The following LARGE1 variants were observed in gnomAD, a reference collection of about 807,000 sequenced individuals.
LARGE1 encodes the protein LARGE xylosyl- and glucuronyltransferase 1, also known as xylosyl- and glucuronyltransferase LARGE1.
In LARGE1, 43 loss-of-function variants were observed where a neutral mutation model predicts 87.6. That is an observed-to-expected ratio of 0.49 (90% CI 0.38 to 0.63). The LOEUF is 0.63. Ranked by LOEUF, LARGE1 falls within the 30% of genes least tolerant of loss-of-function variation. The pLI, the probability that LARGE1 is intolerant of heterozygous loss-of-function variation, is 0.00. For missense variants in LARGE1, 802 were observed against 1,000.2 expected (o/e 0.80, Z 2.67); for synonymous variants, 434 against 394.6 (o/e 1.10, Z -1.18).
intron 7 of LARGE1, among the ~76,000 whole-genome samples, chr22:33,423,420 T>C (rs1396825889): frequency 1.3e-5 from 2 of 152,070 alleles, no homozygotes; most frequent in African/African-American, 4.8e-5. Context: ...CTCACGCCTG[T>C]AATCCCAGCA....
Position 33,163,236 on chromosome 22 carries a change from A to G in LARGE1, c.*3527T>C, listed in dbSNP as rs1207910281. On this transcript the variant is annotated 3_prime_UTR_variant, in exon 12 of 12. Transcript: ENST00000608642. Reference sequence around the variant, plus strand: ...TGGAAAAGTGTGCTCAGAAGAACTAAGTAAATTGTTCAAGCTCTGATTCTT... The same window carrying G: ...TGGAAAAGTGTGCTCAGAAGAACTAGGTAAATTGTTCAAGCTCTGATTCTT... 3 of 152,232 alleles carry G rather than the reference A, an allele frequency of 2.0e-5. No individual in the cohort carries two copies. The East Asian group carries it at 5.8e-4, about 29-fold the overall frequency. The allele number at this position is 152,232 out of a possible 1,614,324, so 9.4% of individuals were successfully genotyped here.
At chr22:33,255,555 A>C (rs988748106) in intron 11 of LARGE1, among the ~76,000 whole-genome samples, 3 of 152,194 alleles carry the variant, frequency 2.0e-5, no homozygotes, top group African/African-American at 7.2e-5. Context: ...TAATAAAAGA[A>C]AGCCATTCAA....
chr22:33,350,136 A>T (rs188971630), intron 9 of LARGE1, among the ~76,000 whole-genome samples: 21 of 152,326 alleles, frequency 1.4e-4, no homozygotes, highest in Admixed American at 5.2e-4. Flanking sequence ...GAAGGTCATG[A>T]ATCCATGAGA....
intron 7 of LARGE1, among the ~76,000 whole-genome samples, chr22:33,425,256 T>C (rs1204266020): frequency 6.6e-6 from 1 of 152,140 alleles, no homozygotes; most frequent in Non-Finnish European, 1.5e-5. Flanking sequence ...AGCAAGACTC[T>C]GTCTCAAAAA....
chr22:33,130,765 G>A, the LARGE1 span, among the ~76,000 whole-genome samples: 1 of 152,202 alleles, frequency 6.6e-6, no homozygotes, highest in African/African-American at 2.4e-5. Flanking sequence ...AACCATCGAG[G>A]CCAGGTGTGG....
At chr22:33,623,162 G>C (rs2079809879) in intron 4 of LARGE1, among the ~76,000 whole-genome samples, 1 of 150,144 alleles carries the variant, frequency 6.7e-6, no homozygotes, top group Non-Finnish European at 1.5e-5. Context: ...TTTAAACCAG[G>C]GAGAGACCTG....
At chr22:33,702,711 T>C (rs2082435893) in intron 2 of LARGE1, among the ~76,000 whole-genome samples, 1 of 152,202 alleles carries the variant, frequency 6.6e-6, no homozygotes. Flanking sequence ...CCTGTTATCC[T>C]GGGCATCCAT....
intron 5 of LARGE1, among the ~76,000 whole-genome samples, chr22:33,597,327 C>T (rs1451664810): frequency 2.0e-5 from 3 of 151,548 alleles, no homozygotes; most frequent in Admixed American, 6.6e-5. Flanking sequence ...TCTTCCCACC[C>T]TAGAATCCTA....
At chr22:33,432,120 T>C in intron 7 of LARGE1, 41 bp downstream of exon 7, 1 of 1,510,854 alleles carries the variant, frequency 6.6e-7, no homozygotes, top group African/African-American at 1.4e-5. Context: ...GGTCCTCATA[T>C]CACCTTCTGC....
At chr22:33,696,175 T>A (rs1603184750) in intron 2 of LARGE1, among the ~76,000 whole-genome samples, 1 of 152,166 alleles carries the variant, frequency 6.6e-6, no homozygotes, top group East Asian at 1.9e-4. Context: ...AACAGTTTCA[T>A]AGTCCAGCGA....
intron 4 of LARGE1, among the ~76,000 whole-genome samples, chr22:33,607,461 CAA>C (rs1217376084): frequency 6.9e-4 from 40 of 58,000 alleles, no homozygotes; most frequent in Middle Eastern, 0.015. Flanking sequence ...AACTGCATCT[CAA>C]AAAAAAAAAA....
chr22:33,698,698 T>C (rs1258472222), intron 2 of LARGE1, among the ~76,000 whole-genome samples: 1 of 152,178 alleles, frequency 6.6e-6, no homozygotes, highest in African/African-American at 2.4e-5. Flanking sequence ...TTACTGAACG[T>C]CCACTCATCC....
the LARGE1 span, among the ~76,000 whole-genome samples, chr22:33,073,841 T>C: frequency 9.2e-5 from 14 of 152,124 alleles, no homozygotes; most frequent in Admixed American, 2.0e-4. Flanking sequence ...CTCCTTCACA[T>C]GTATGTTTGG....
intron 11 of LARGE1, among the ~76,000 whole-genome samples, chr22:33,256,380 C>A (rs1927267859): frequency 6.6e-6 from 1 of 152,166 alleles, no homozygotes; most frequent in African/African-American, 2.4e-5. Flanking sequence ...GAGAAATGGG[C>A]ACCAGGAGTG....
At chr22:33,532,788 G>A (rs2076936177) in intron 6 of LARGE1, among the ~76,000 whole-genome samples, 1 of 152,160 alleles carries the variant, frequency 6.6e-6, no homozygotes, top group Admixed American at 6.6e-5. Context: ...CATACACCAA[G>A]AATGTGTTCA....
intron 4 of LARGE1, among the ~76,000 whole-genome samples, chr22:33,608,105 G>A (rs1218326534): frequency 6.6e-6 from 1 of 152,158 alleles, no homozygotes; most frequent in Non-Finnish European, 1.5e-5. Context: ...GGCCCTCAGT[G>A]TTTCCACGAC....
chr22:33,559,069 C>T (rs2077777578), intron 6 of LARGE1, among the ~76,000 whole-genome samples: 2 of 152,220 alleles, frequency 1.3e-5, no homozygotes, highest in African/African-American at 2.4e-5. Context: ...ATATCTGACA[C>T]CGGGTAATTT....
chr22:33,115,747 G>C, the LARGE1 span, among the ~76,000 whole-genome samples: 3 of 151,110 alleles, frequency 2.0e-5, no homozygotes, highest in African/African-American at 7.3e-5. Context: ...GAACTGGGAG[G>C]CGGCGGTTGC....
chr22:33,564,196 G>A (rs921272743), intron 6 of LARGE1, among the ~76,000 whole-genome samples: 3 of 152,138 alleles, frequency 2.0e-5, no homozygotes, highest in African/African-American at 4.8e-5. Context: ...ACATCTGGGA[G>A]AGGGGTATTA....
Sources: gnomAD v4.1 joint callset for allele counts (sites outside exome capture counted in the v4.1 genomes callset) on GRCh38, gnomAD v4.1.1 for gene constraint, MANE v1.5 for transcripts, NCBI Gene and HGNC (gene_info 2026-07-23, HGNC 2026-07-21) for gene names.